SLC4A4: variants seen among roughly 807,000 people sequenced by gnomAD.
SLC4A4 encodes solute carrier family 4 member 4, also known as electrogenic sodium bicarbonate cotransporter 1.
A neutral mutation model predicts 111.5 loss-of-function variants in SLC4A4; 27 were observed. The observed-to-expected ratio is 0.24, with a 90% confidence interval of 0.18 to 0.33. SLC4A4 has a LOEUF of 0.33. SLC4A4 is among the 10% of genes least tolerant of loss of function. SLC4A4 has a pLI of 1.00. For missense variants in SLC4A4, 909 were observed against 1,315.5 expected (o/e 0.69, Z 4.78); for synonymous variants, 443 against 463.4 (o/e 0.96, Z 0.57).
chr4:71,271,354 G>C lies in SLC4A4; in HGVS notation c.253+15955G>C, dbSNP rs886897326. Among the ~76,000 whole-genome samples the C allele has an allele frequency of 8.5e-5, 13 of 152,154 alleles. No homozygotes were observed. In the South Asian group the frequency reaches 2.7e-3, roughly 32 times the overall value. ...TTAGGACTTGAACATTCCAAATCTGGTGCTCTTTTTACAGTACCTACAGTG... is the reference window on the plus strand; with the variant it reads ...TTAGGACTTGAACATTCCAAATCTGCTGCTCTTTTTACAGTACCTACAGTG... On this transcript the variant is annotated intron_variant, in intron 3 of 25. Coordinates refer to ENST00000264485, the MANE Select transcript of SLC4A4 (RefSeq NM_001098484.3).
In SLC4A4 at chr4:71,437,313, G is replaced by A. The variant is rs1053692342; in HGVS notation, c.808-3303G>A. ...GATTACAGCCACTTCCAATAACACG[G>A]TTTTGGGGAAATACACTCAATTTCC... On this transcript the variant is annotated intron_variant, in intron 7 of 25. Coordinates refer to ENST00000264485, the MANE Select transcript of SLC4A4 (RefSeq NM_001098484.3). 5 of 364,540 alleles carry A rather than the reference G, an allele frequency of 1.4e-5. No individual in the cohort carries two copies. The East Asian group carries it at 3.4e-4, about 25-fold the overall frequency. 22.6% of individuals were successfully genotyped at this position (364,540 alleles called of 1,614,324 possible). A position where few individuals can be genotyped will look rare whatever the true frequency, so the allele number is the denominator to read the frequency against.
Position 71,524,466 on chromosome 4 carries a change from G to A in SLC4A4, c.2167-7596G>A, listed in dbSNP as rs148220081. Among the ~76,000 whole-genome samples the A allele has an allele frequency of 6.0e-4, 92 of 152,140 alleles. 2 individuals are homozygous for A. The East Asian group carries it at 0.017, about 28-fold the overall frequency. The stretch of plus-strand genomic sequence containing the variant: ...ACTTCCATTGTCAAGCTCCAAGCCC[G>A]ACCCAGATAAATTCTCCAGTTCATC... On this transcript the variant is annotated intron_variant, in intron 16 of 25. Transcript: ENST00000264485.
Position 71,560,260 on chromosome 4 carries a change from G to A in SLC4A4, c.3099+6G>A, listed in dbSNP as rs1207521375. The stretch of plus-strand genomic sequence containing the variant: ...TGGACAGTGACAATGATGATGTAAG[G>A]AACTTTCCAAATTCCAAAGGAAAGC... On this transcript the variant is annotated splice_donor_region_variant and intron_variant, in intron 23 of 25. Coordinates refer to ENST00000264485, the MANE Select transcript of SLC4A4 (RefSeq NM_001098484.3). 3.7e-6 allele frequency: 6 copies of A among 1,601,658 alleles called. No homozygotes were observed. Among genetic ancestry groups the A allele is most frequent in the Non-Finnish European group, 5.1e-6 (6 of 1,172,746 alleles).
chr4:71,388,095 TCCCTCTTAGCCTTTAAC>T (rs1718926417), intron 6 of SLC4A4, among the ~76,000 whole-genome samples: 1 of 152,232 alleles, frequency 6.6e-6, no homozygotes, highest in East Asian at 1.9e-4. Context: ...TGATAGGTTT[TCCCTCTTAGCCTTTAAC>T]TAGCTAGCAT....
At chr4:71,341,924 C>T (rs925774738) in intron 4 of SLC4A4, among the ~76,000 whole-genome samples, 14 of 152,016 alleles carry the variant, frequency 9.2e-5, no homozygotes, top group African/African-American at 2.9e-4. Flanking sequence ...AAAAGTAATT[C>T]GGCTTTACTC....
chr4:71,236,784 T>G, intron 2 of SLC4A4, 135 bp downstream of exon 2: 3 of 747,310 alleles, frequency 4.0e-6, no homozygotes, highest in Non-Finnish European at 6.8e-6. Context: ...CATCAATCTC[T>G]ACATTTGCTT....
chr4:71,126,615 A>G (rs1743569733), intron 2 of SLC4A4, among the ~76,000 whole-genome samples: 1 of 152,190 alleles, frequency 6.6e-6, no homozygotes, highest in Admixed American at 6.5e-5. Flanking sequence ...AATAAGTTCT[A>G]TTTTATGTGA....
intron 6 of SLC4A4, among the ~76,000 whole-genome samples, chr4:71,372,273 G>A (rs1332300156): frequency 6.6e-6 from 1 of 152,254 alleles, no homozygotes; most frequent in East Asian, 1.9e-4. Context: ...TGTGAGCCTA[G>A]AGCTCTTATC....
At chr4:71,296,533 G>T (rs1445929819) in intron 3 of SLC4A4, among the ~76,000 whole-genome samples, 2 of 151,934 alleles carry the variant, frequency 1.3e-5, no homozygotes, top group Admixed American at 6.6e-5. Flanking sequence ...GTATTTTTTT[G>T]GGGGGGAACC....
intron 3 of SLC4A4, among the ~76,000 whole-genome samples, chr4:71,284,692 A>G (rs377073726): frequency 6.6e-6 from 1 of 152,280 alleles, no homozygotes; most frequent in South Asian, 2.1e-4. Flanking sequence ...CTGTTTTTAC[A>G]TCTTTTTGGC....
Position 71,275,522 on chromosome 4 carries a change from T to C in SLC4A4, c.253+20123T>C, listed in dbSNP as rs142493856. On this transcript the variant is annotated intron_variant, in intron 3 of 25. Transcript: ENST00000264485. ...GTAGGATAGATTCTATAACTGGTTC[T>C]TTGCCTTTCAAGGTTTCAAGGTAGT... Among the ~76,000 whole-genome samples the C allele has an allele frequency of 1.5e-3, 222 of 152,346 alleles. 1 individual carries two copies. Among genetic ancestry groups the C allele is most frequent in the African/African-American group, 4.9e-3 (203 of 41,588 alleles).
intron 2 of SLC4A4, among the ~76,000 whole-genome samples, chr4:71,170,206 T>A (rs781263594): frequency 9.9e-5 from 15 of 152,222 alleles, no homozygotes; most frequent in Non-Finnish European, 1.9e-4. Context: ...TTATTTTATA[T>A]GTTTGTTTAC....
Position 71,356,995 on chromosome 4 carries a change from G to T in SLC4A4, c.551-13G>T, listed in dbSNP as rs1252235801. On this transcript the variant is annotated splice_polypyrimidine_tract_variant and intron_variant, in intron 5 of 25. Transcript: ENST00000264485. ...TGACTGAGTTTTGTTTTTTGCTTTT[G>T]TTTTTGTACCAGAGATGATTGTTGA... The T allele has an allele frequency of 1.2e-6, 2 of 1,611,438 alleles. No individual in the cohort carries two copies. Among genetic ancestry groups the T allele is most frequent in the African/African-American group, 1.3e-5 (1 of 74,822 alleles).
At chr4:71,170,616 A>G (rs1744908816) in intron 2 of SLC4A4, among the ~76,000 whole-genome samples, 2 of 152,222 alleles carry the variant, frequency 1.3e-5, no homozygotes, top group Admixed American at 1.3e-4. Flanking sequence ...TTTTAGTGAG[A>G]GCCTACTATA....
chr4:71,394,015 A>G (rs1719557251), intron 6 of SLC4A4, among the ~76,000 whole-genome samples: 1 of 152,196 alleles, frequency 6.6e-6, no homozygotes, highest in Admixed American at 6.6e-5. Context: ...AATCAACTCA[A>G]GATGGATTAA....
intron 2 of SLC4A4, among the ~76,000 whole-genome samples, chr4:71,242,335 T>A (rs1172613609): frequency 6.6e-6 from 1 of 152,202 alleles, no homozygotes; most frequent in East Asian, 1.9e-4. Context: ...TGAGACATGT[T>A]GTTTGATATT....
In SLC4A4 at chr4:71,375,139, G is replaced by C. The variant is rs116213971; in HGVS notation, c.730+17952G>C. On this transcript the variant is annotated intron_variant, in intron 6 of 25. Coordinates refer to ENST00000264485, the MANE Select transcript of SLC4A4 (RefSeq NM_001098484.3). ...GTCTGATCCAGTAGCTTGTTTTCTG[G>C]GGTCAGTGGTTATAGTTGGGCATAT... Among the ~76,000 whole-genome samples, 703 of 152,116 alleles carry C rather than the reference G, an allele frequency of 4.6e-3. 2 individuals carry two copies. Among genetic ancestry groups the C allele is most frequent in the Non-Finnish European group, 8.2e-3 (559 of 68,006 alleles).
chr4:71,435,821 T>C (rs1724085829), intron 7 of SLC4A4, among the ~76,000 whole-genome samples: 1 of 152,242 alleles, frequency 6.6e-6, no homozygotes, highest in East Asian at 1.9e-4. Context: ...TCATCATCAC[T>C]GGTCATTAAA....
rs965007157 is a variant in SLC4A4, at chr4:71,447,910, G to C, written c.1053+177G>C. 3.9e-5 allele frequency among the ~76,000 whole-genome samples: 6 copies of C among 152,310 alleles called. No individual in the cohort carries two copies. The South Asian group carries it at 1.2e-3, about 32-fold the overall frequency. On this transcript the variant is annotated intron_variant, in intron 9 of 25. Coordinates refer to ENST00000264485, the MANE Select transcript of SLC4A4 (RefSeq NM_001098484.3). ...TCCTATATGGTTTGCAAAAAGTAAGGCATGCATTTTGGTTTTCTATGGGAT... is the reference window on the plus strand; with the variant it reads ...TCCTATATGGTTTGCAAAAAGTAAGCCATGCATTTTGGTTTTCTATGGGAT...
Sources: allele counts gnomAD v4.1 joint callset (sites outside exome capture counted in the v4.1 genomes callset), GRCh38; gene constraint gnomAD v4.1.1; transcripts MANE v1.5; gene names NCBI Gene and HGNC (gene_info 2026-07-23, HGNC 2026-07-21).